MROH2A: variants seen among roughly 807,000 people sequenced by gnomAD.
MROH2A encodes the protein maestro heat-like repeat-containing protein family member 2A.
In MROH2A, 174 loss-of-function variants were observed where a neutral mutation model predicts 200.4. That is an observed-to-expected ratio of 0.87 (90% CI 0.77 to 0.98). The LOEUF (loss-of-function observed/expected upper bound fraction) is 0.98, where lower values mean the gene tolerates loss of function less well. MROH2A is among the 50% of genes least tolerant of loss of function. The probability of loss-of-function intolerance (pLI) is 0.00; values close to 1 mark genes in which losing one functional copy is unlikely to be tolerated. For synonymous variants in MROH2A, 829 were observed against 840.4 expected (o/e 0.99, Z 0.23); for missense variants, 2,045 against 2,139.6 (o/e 0.96, Z 0.87).
At chr2:233,832,419 T>G (rs1704827738) in intron 40 of MROH2A, 140 bp downstream of exon 40, 1 of 949,244 alleles carries the variant, frequency 1.1e-6, no homozygotes, top group Non-Finnish European at 1.6e-6. Flanking sequence ...CCCTGCACTG[T>G]GCTTTCTATC....
chr2:233,803,994 C>T (rs1266835058), intron 16 of MROH2A, 57 bp from the exon 17 acceptor site: 2 of 1,533,194 alleles, frequency 1.3e-6, no homozygotes, highest in Non-Finnish European at 1.8e-6. Flanking sequence ...CAAAGAGCTC[C>T]AAGACAAGGA....
At chr2:233,799,185 A>G (rs1269357484) in intron 12 of MROH2A, among the ~76,000 whole-genome samples, 1 of 151,770 alleles carries the variant, frequency 6.6e-6, no homozygotes, top group Non-Finnish European at 1.5e-5. Context: ...ACTAAGGGGT[A>G]CTCCTCTACC....
chr2:233,816,820 C>T lies in MROH2A; in HGVS notation c.2896C>T (p.Arg966Trp), dbSNP rs879142849. 1.5e-5 allele frequency: 23 copies of T among 1,550,142 alleles called. No homozygotes were observed. The highest frequency in any genetic ancestry group is 1.7e-4 in the Middle Eastern group (1 of 5,940). Residue 966 changes from arginine (R) to tryptophan (W), a missense_variant, in exon 27 of 42, where the codon CGG (arginine) becomes TGG (tryptophan). Arg to Trp is a moderately radical substitution (Grantham distance 101). Coordinates refer to ENST00000389758, the MANE Select transcript of MROH2A (RefSeq NM_001394639.1). ...GATCTTGTCGGAGAAAGAATGGGAGCGGGAAAAGGCCGTGAGCCTCCATCT... is the reference window on the plus strand; with the variant it reads ...GATCTTGTCGGAGAAAGAATGGGAGTGGGAAAAGGCCGTGAGCCTCCATCT... ...KWILSEKEWE[R>W]EKAVSLHLYL... is the part of the protein sequence containing the mutation.
chr2:233,804,859 T>C lies in MROH2A; in HGVS notation c.1945-145T>C, dbSNP rs894405112. The C allele has an allele frequency of 1.7e-5, 10 of 605,176 alleles. No homozygotes were observed. The African/African-American group carries it at 1.9e-4, about 11-fold the overall frequency. 37.5% of individuals were successfully genotyped at this position (605,176 alleles called of 1,614,324 possible). ...CATTATTAGCACTGGATCAGGGATC[T>C]ATGGACTTAGTGATCTGGAGATGTG... On this transcript the variant is annotated intron_variant, in intron 18 of 41. Coordinates refer to ENST00000389758, the MANE Select transcript of MROH2A (RefSeq NM_001394639.1).
rs1185697459 is a variant in MROH2A, at chr2:233,779,858, G to A, written c.276+6G>A. The A allele has an allele frequency of 6.5e-7, 1 of 1,548,464 alleles. No homozygotes were observed. Among genetic ancestry groups the A allele is most frequent in the Admixed American group, 2.0e-5 (1 of 50,958 alleles). ...GCTGCCTGCAGGTGCCAGAGGTAGG[G>A]CCATCTTACCCACTGGGCTCAGCCA... On this transcript the variant is annotated splice_donor_region_variant and intron_variant, in intron 3 of 41. Transcript: ENST00000389758.
At chr2:233,819,546 G>T in intron 30 of MROH2A, 77 bp downstream of exon 30, 1 of 1,425,196 alleles carries the variant, frequency 7.0e-7, no homozygotes, top group Non-Finnish European at 9.4e-7. Context: ...GGAAGGACGA[G>T]GGCCTCACCA....
intron 5 of MROH2A, among the ~76,000 whole-genome samples, chr2:233,792,556 G>A (rs374100481): frequency 3.2e-4 from 48 of 152,110 alleles, no homozygotes; most frequent in South Asian, 1.2e-3. Flanking sequence ...CTCGTGATCC[G>A]CCCACCTTGG....
At position 233,796,295 on chromosome 2, in the gene MROH2A, G is replaced by T. The variant is rs1488635906; in HGVS notation, c.1234G>T (p.Ala412Ser). The change falls in exon 11 of 42, where the codon GCT becomes TCT. Residue 412 changes from alanine to serine, a missense_variant. Physicochemically the swap from Ala to Ser is moderately conservative, Grantham distance 99. Transcript: ENST00000389758. ...CGTGGGGACTCTGAATCTGATTAGG[G>T]CTATAGTGAGCGCAGATGGTGAGCA... ...VRVGTLNLIRAIVSADEPRMS... is the reference protein window; with the variant it reads ...VRVGTLNLIRSIVSADEPRMS... The T allele has an allele frequency of 3.1e-6, 4 of 1,304,916 alleles. No individual in the cohort carries two copies. Among genetic ancestry groups the T allele is most frequent in the African/African-American group, 1.7e-5 (1 of 60,456 alleles). 80.8% of individuals were successfully genotyped at this position (1,304,916 alleles called of 1,614,324 possible).
chr2:233,795,695 C>G lies in MROH2A; in HGVS notation c.1009C>G (p.Pro337Ala). The G allele has an allele frequency of 6.4e-7, 1 of 1,551,134 alleles. No homozygotes were observed. Among genetic ancestry groups the G allele is most frequent in the Non-Finnish European group, 8.7e-7 (1 of 1,147,082 alleles). Residue 337 changes from proline (P) to alanine (A), a missense_variant, in exon 9 of 42, where the codon CCT (proline) becomes GCT (alanine). This residue lies in a region of MROH2A where 831 missense variants were observed against 800.0 expected (regional missense o/e 1.04). Transcript: ENST00000389758. ...ILELSVTTNT[P>A]VPQMQLHTIF... ...GGAACTGTCAGTCACCACCAACACC[C>G]CTGTCCCCCAAATGCAGCTACACAC...
At chr2:233,809,810 A>G (rs1456958490) in intron 22 of MROH2A, among the ~76,000 whole-genome samples, 3 of 152,114 alleles carry the variant, frequency 2.0e-5, no homozygotes, top group African/African-American at 4.8e-5. Flanking sequence ...GGCATGAGGT[A>G]CATTCACGTT....
rs978495529 is a variant in MROH2A at position 233,823,023 on chromosome 2, G to T, written c.4004+5G>T. The T allele has an allele frequency of 4.5e-6, 7 of 1,549,798 alleles. No homozygotes were observed. The highest frequency in any genetic ancestry group is 6.1e-6 in the Non-Finnish European group (7 of 1,146,872). On this transcript the variant is annotated splice_donor_5th_base_variant and intron_variant, in intron 34 of 41. Coordinates refer to ENST00000389758, the MANE Select transcript of MROH2A (RefSeq NM_001394639.1). The stretch of plus-strand genomic sequence containing the variant: ...GGGTGTGAGCCTGCTGGCCAGGTGG[G>T]CCCTGGCTCCCACAGGGTGGCAGGG...
At chr2:233,819,177 GC>G in intron 29 of MROH2A, 139 bp from the exon 30 acceptor site, 1 of 886,516 alleles carries the variant, frequency 1.1e-6, no homozygotes, top group Non-Finnish European at 1.7e-6. Context: ...TTCTGGCTCA[GC>G]CCAGGAGGAG....
chr2:233,780,135 A>G (rs1477489034), intron 3 of MROH2A, among the ~76,000 whole-genome samples: 1 of 152,206 alleles, frequency 6.6e-6, no homozygotes, highest in East Asian at 1.9e-4. Context: ...ATGGGAGAGT[A>G]AAGATACACC....
At chr2:233,821,517 G>A (rs1703935375) in intron 31 of MROH2A, among the ~76,000 whole-genome samples, 1 of 152,328 alleles carries the variant, frequency 6.6e-6, no homozygotes, top group East Asian at 1.9e-4. Context: ...ATTTAGACTT[G>A]TTAGACTCAC....
chr2:233,804,039 G>T lies in MROH2A; in HGVS notation c.1750-12G>T. Reference sequence around the variant, plus strand: ...TCAGGTGCTACTTCACTGGAGCCTTGGTGCCCTCCAGGTGCTGATGTCATC... The same window carrying T: ...TCAGGTGCTACTTCACTGGAGCCTTTGTGCCCTCCAGGTGCTGATGTCATC... On this transcript the variant is annotated splice_polypyrimidine_tract_variant and intron_variant, in intron 16 of 41. Transcript: ENST00000389758. 4 of 1,549,886 alleles carry T rather than the reference G, an allele frequency of 2.6e-6. No individual in the cohort carries two copies. The highest frequency in any genetic ancestry group is 3.5e-6 in the Non-Finnish European group (4 of 1,146,460).
At chr2:233,789,768 G>A (rs1701605830) in intron 4 of MROH2A, 84 bp from the exon 5 acceptor site, 1 of 1,489,160 alleles carries the variant, frequency 6.7e-7, no homozygotes, top group Non-Finnish European at 9.0e-7. Flanking sequence ...GAACCAGGAG[G>A]GGTGGAGAGA....
chr2:233,803,587 G>A, intron 16 of MROH2A, 99 bp downstream of exon 16: 1 of 1,294,390 alleles, frequency 7.7e-7, no homozygotes. Flanking sequence ...GGGGTATGAG[G>A]AAGCTGAGGT....
At chr2:233,799,183 G>T (rs1702300569) in intron 12 of MROH2A, among the ~76,000 whole-genome samples, 1 of 152,068 alleles carries the variant, frequency 6.6e-6, no homozygotes, top group Non-Finnish European at 1.5e-5. Context: ...CAACTAAGGG[G>T]TACTCCTCTA....
At chr2:233,819,619 T>C (rs1242628134) in intron 30 of MROH2A, 150 bp downstream of exon 30, 22 of 937,920 alleles carry the variant, frequency 2.3e-5, no homozygotes, top group Non-Finnish European at 3.4e-5. Flanking sequence ...AACAGAGTTC[T>C]AGAGCTAGAA....
Sources: gnomAD v4.1 joint callset for allele counts (sites outside exome capture counted in the v4.1 genomes callset) on GRCh38, gnomAD v4.1.1 for gene constraint, gnomAD v4.1.1 regional missense constraint, MANE v1.5 for transcripts, NCBI Gene and HGNC (gene_info 2026-07-23, HGNC 2026-07-21) for gene names.